The following ARHGAP22 variants were observed in gnomAD, a reference collection of about 807,000 sequenced individuals.
ARHGAP22 encodes the protein rho GTPase-activating protein 22.
ARHGAP22 carries 48 observed loss-of-function variants against 59.1 expected under a neutral mutation model. The ratio of observed to expected loss-of-function variants is 0.81; its 90% CI spans 0.64 to 1.03. The LOEUF (loss-of-function observed/expected upper bound fraction) is 1.03, where lower values mean the gene tolerates loss of function less well. Among genes scored for constraint, ARHGAP22 ranks in the 50% least tolerant of loss-of-function variants. The pLI, the probability that ARHGAP22 is intolerant of heterozygous loss-of-function variation, is 0.00. For synonymous variants in ARHGAP22, 445 were observed against 416.4 expected, an observed-to-expected ratio of 1.07 and a Z score of -0.84; for missense variants, 1,015 against 958.7, an observed-to-expected ratio of 1.06 and a Z score of -0.78.
At position 48,450,936 on chromosome 10, in the gene ARHGAP22, C is replaced by T; in HGVS notation, c.1193G>A (p.Gly398Glu). Reference protein sequence around the residue: ...LPAHRTSSLDGAAVAVLSRTA... With the variant: ...LPAHRTSSLDEAAVAVLSRTA... ...TCTGGAGAGCACCGCCACGGCCGCCCCGTCCAGGGAAGAGGTCCTGTGCGC... is the reference window on the plus strand; with the variant it reads ...TCTGGAGAGCACCGCCACGGCCGCCTCGTCCAGGGAAGAGGTCCTGTGCGC... The change falls in exon 9 of 10, where the codon GGG becomes GAG. Residue 398 changes from glycine to glutamate, a missense_variant. Transcript: ENST00000249601. The T allele has an allele frequency of 6.3e-7, 1 of 1,587,700 alleles. No homozygotes were observed. The highest frequency in any genetic ancestry group is 8.6e-7 in the Non-Finnish European group (1 of 1,167,948).
intron 9 of ARHGAP22, among the ~76,000 whole-genome samples, chr10:48,449,508 C>G (rs71501477): frequency 6.6e-6 from 1 of 152,350 alleles, no homozygotes; most frequent in Non-Finnish European, 1.5e-5. Context: ...CCATCCACTG[C>G]CTCTAATGGA....
intron 8 of ARHGAP22, among the ~76,000 whole-genome samples, chr10:48,452,933 C>G (rs2046125332): frequency 6.6e-6 from 1 of 152,290 alleles, no homozygotes; most frequent in African/African-American, 2.4e-5. Context: ...CATCCAGGAA[C>G]CTATGACAAT....
chr10:48,583,141 T>C lies in ARHGAP22; in HGVS notation c.46A>G (p.Ser16Gly). The C allele has an allele frequency of 6.2e-7, 1 of 1,613,968 alleles. No individual in the cohort carries two copies. Among genetic ancestry groups the C allele is most frequent in the Non-Finnish European group, 8.5e-7 (1 of 1,179,918 alleles). ...CGGCTCTGCTCCCCCATCACTAGGCTTTTGGAGCGGGCTGAAAGCCAAGGA... is the reference window on the plus strand; with the variant it reads ...CGGCTCTGCTCCCCCATCACTAGGCCTTTGGAGCGGGCTGAAAGCCAAGGA... ...IRQARRARSKSLVMGEQSRSP... is the reference protein window; with the variant it reads ...IRQARRARSKGLVMGEQSRSP... The change falls in exon 2 of 10, where the codon AGC becomes GGC. Residue 16 changes from serine (S) to glycine (G), a missense_variant. Coordinates refer to ENST00000249601, the MANE Select transcript of ARHGAP22 (RefSeq NM_021226.4).
At chr10:48,523,294 C>T (rs937572359) in intron 3 of ARHGAP22, among the ~76,000 whole-genome samples, 2 of 152,188 alleles carry the variant, frequency 1.3e-5, no homozygotes, top group Non-Finnish European at 2.9e-5. Context: ...TTAATAAGCG[C>T]GGCAGGTGAG....
In ARHGAP22 at chr10:48,581,385, C is replaced by T. The variant is rs545251434; in HGVS notation, c.234+1568G>A. On this transcript the variant is annotated intron_variant, in intron 2 of 9. Transcript: ENST00000249601. Reference sequence around the variant, plus strand: ...CTGTTCACTGGAATAAAGTCTCTTTCCTCCATATTCCGTTTCAGAAAACTT... The same window carrying T: ...CTGTTCACTGGAATAAAGTCTCTTTTCTCCATATTCCGTTTCAGAAAACTT... Among the ~76,000 whole-genome samples the T allele has an allele frequency of 1.7e-3, 259 of 152,332 alleles. 1 individual carries two copies. The highest frequency in any genetic ancestry group is 0.01 in the Middle Eastern group (3 of 294).
upstream of ARHGAP22, among the ~76,000 whole-genome samples, chr10:48,609,096 G>T (rs2060783937): frequency 1.3e-5 from 2 of 152,174 alleles, no homozygotes; most frequent in Non-Finnish European, 1.5e-5. Flanking sequence ...GAGCTTAGAT[G>T]TCTTGTTTTG....
At chr10:48,588,794 G>A (rs1298446890) in intron 1 of ARHGAP22, among the ~76,000 whole-genome samples, 1 of 152,224 alleles carries the variant, frequency 6.6e-6, no homozygotes, top group African/African-American at 2.4e-5. Context: ...CAACCACCAC[G>A]GAGGGATGAA....
chr10:48,506,224 A>C (rs373080485), intron 3 of ARHGAP22, among the ~76,000 whole-genome samples: 7 of 152,110 alleles, frequency 4.6e-5, no homozygotes, highest in African/African-American at 1.7e-4. Flanking sequence ...CGTTCTGAGA[A>C]ATATGTCATT....
At chr10:48,439,802 C>T in the ARHGAP22 span, among the ~76,000 whole-genome samples, 1 of 152,216 alleles carries the variant, frequency 6.6e-6, no homozygotes, top group South Asian at 2.1e-4. Context: ...CCTGCAGTAC[C>T]TTCCCAGCCA....
intron 4 of ARHGAP22, among the ~76,000 whole-genome samples, chr10:48,478,016 G>A (rs1192406519): frequency 6.6e-6 from 1 of 151,694 alleles, no homozygotes; most frequent in African/African-American, 2.4e-5. Context: ...GTGTTTTTTT[G>A]TAACTCATTT....
chr10:48,440,648 GAC>G, the ARHGAP22 span, among the ~76,000 whole-genome samples: 1 of 152,154 alleles, frequency 6.6e-6, no homozygotes, highest in Non-Finnish European at 1.5e-5. Flanking sequence ...AGAGAAGACT[GAC>G]ACGCTGGAGT....
chr10:48,529,329 T>G (rs1469587350), intron 3 of ARHGAP22, among the ~76,000 whole-genome samples: 1 of 152,184 alleles, frequency 6.6e-6, no homozygotes, highest in Non-Finnish European at 1.5e-5. Context: ...ACCTTCCAGT[T>G]CTTGCATCTT....
chr10:48,438,080 T>G, the ARHGAP22 span: 1 of 152,230 alleles, frequency 6.6e-6, no homozygotes, highest in Non-Finnish European at 1.5e-5. Flanking sequence ...CTGCACAACA[T>G]TTTGAGGTTA....
intron 2 of ARHGAP22, among the ~76,000 whole-genome samples, chr10:48,557,434 T>C (rs1400074036): frequency 6.6e-6 from 1 of 152,188 alleles, no homozygotes; most frequent in African/African-American, 2.4e-5. Flanking sequence ...TGTACTATAT[T>C]CCTGGCTCTT....
chr10:48,577,801 G>C (rs374123200), intron 2 of ARHGAP22, among the ~76,000 whole-genome samples: 2,813 of 59,240 alleles, frequency 0.047, 219 homozygotes, highest in African/African-American at 0.17. Context: ...CTCTTTTTTG[G>C]TTTTTTTTTT....
chr10:48,497,698 C>T (rs182899094), intron 3 of ARHGAP22, among the ~76,000 whole-genome samples: 3 of 152,306 alleles, frequency 2.0e-5, no homozygotes, highest in Admixed American at 2.0e-4. Context: ...TCTCACCATC[C>T]ACCTGCCCTG....
At chr10:48,626,559 T>C (rs1326807130) in intron 1 of ARHGAP22, among the ~76,000 whole-genome samples, 1 of 152,204 alleles carries the variant, frequency 6.6e-6, no homozygotes, top group Non-Finnish European at 1.5e-5. Context: ...ACTTCCTGAA[T>C]ATCCTGGCAG....
chr10:48,537,197 T>C (rs1480502105), intron 3 of ARHGAP22, among the ~76,000 whole-genome samples: 1 of 152,188 alleles, frequency 6.6e-6, no homozygotes, highest in Admixed American at 6.5e-5. Context: ...GGGCAGCCCT[T>C]GCGGGGTGGC....
chr10:48,435,737 C>A, the ARHGAP22 span: 3 of 152,178 alleles, frequency 2.0e-5, no homozygotes, highest in Non-Finnish European at 4.4e-5. Context: ...TATGTCCCCA[C>A]CCTACCCAAC....
Sources: gnomAD v4.1 joint callset for allele counts (sites outside exome capture counted in the v4.1 genomes callset) on GRCh38, gnomAD v4.1.1 for gene constraint, MANE v1.5 for transcripts, NCBI Gene and HGNC (gene_info 2026-07-23, HGNC 2026-07-21) for gene names.